The following RASAL2 variants were observed in gnomAD, a reference collection of about 807,000 sequenced individuals.
RASAL2 encodes the protein ras GTPase-activating protein nGAP.
RASAL2 carries 58 observed loss-of-function variants against 128.9 expected under a neutral mutation model. That is an observed-to-expected ratio of 0.45 (90% CI 0.36 to 0.56). RASAL2 has a LOEUF of 0.56. Ranked by LOEUF, RASAL2 falls within the 20% of genes least tolerant of loss-of-function variation. RASAL2 has a pLI of 0.00. For missense variants in RASAL2, 1,360 were observed against 1,601.6 expected, an observed-to-expected ratio of 0.85 and a Z score of 2.57; for synonymous variants, 561 against 580.8, an observed-to-expected ratio of 0.97 and a Z score of 0.49.
chr1:178,318,617 C>G (rs1668601919), intron 3 of RASAL2, among the ~76,000 whole-genome samples: 1 of 150,820 alleles, frequency 6.6e-6, no homozygotes, highest in South Asian at 2.1e-4. Context: ...GATTGCAACC[C>G]CTGTCTTTTT....
intron 1 of RASAL2, among the ~76,000 whole-genome samples, chr1:178,278,793 A>C (rs549394728): frequency 6.6e-6 from 1 of 152,290 alleles, no homozygotes; most frequent in East Asian, 1.9e-4. Flanking sequence ...CTTATCCTCT[A>C]AGAAAAAAGT....
At chr1:178,167,848 C>T (rs536092019) in intron 1 of RASAL2, among the ~76,000 whole-genome samples, 62 of 151,994 alleles carry the variant, frequency 4.1e-4, no homozygotes, top group Admixed American at 8.5e-4. Context: ...TATGTGGACC[C>T]GTGCGATTAA....
intron 1 of RASAL2, among the ~76,000 whole-genome samples, chr1:178,263,689 C>G (rs184373684): frequency 6.6e-6 from 1 of 152,068 alleles, no homozygotes; most frequent in East Asian, 1.9e-4. Context: ...CTTTGCCAAA[C>G]GTTTGTGGTT....
At chr1:178,421,918 A>T (rs1675167376) in intron 5 of RASAL2, among the ~76,000 whole-genome samples, 1 of 151,920 alleles carries the variant, frequency 6.6e-6, no homozygotes, top group Admixed American at 6.6e-5. Context: ...TTTTTAAAAT[A>T]TTTTTCTTAG....
chr1:178,162,380 T>C (rs1661344157), intron 1 of RASAL2, among the ~76,000 whole-genome samples: 1 of 115,244 alleles, frequency 8.7e-6, no homozygotes, highest in Admixed American at 1.2e-4. Context: ...AATATATATT[T>C]ATATATTATA....
chr1:178,164,481 T>TTGTG (rs35942778), intron 1 of RASAL2, among the ~76,000 whole-genome samples: 1,842 of 144,780 alleles, frequency 0.013, 12 homozygotes, highest in East Asian at 0.018. Context: ...TAATTAGCAT[T>TTGTG]TGTGTGTGTG....
chr1:178,096,660 T>C (rs1473977349), intron 1 of RASAL2, among the ~76,000 whole-genome samples: 1 of 152,004 alleles, frequency 6.6e-6, no homozygotes, highest in East Asian at 1.9e-4. Flanking sequence ...ATGGTATGTA[T>C]ATGTGTGTGA....
intron 1 of RASAL2, among the ~76,000 whole-genome samples, chr1:178,255,301 AG>A (rs1665280610): frequency 6.6e-6 from 1 of 152,158 alleles, no homozygotes; most frequent in Non-Finnish European, 1.5e-5. Flanking sequence ...TAATTTTAAA[AG>A]ATAGTATAAA....
chr1:178,262,199 G>A (rs1205004263), intron 1 of RASAL2, among the ~76,000 whole-genome samples: 1 of 152,148 alleles, frequency 6.6e-6, no homozygotes, highest in Non-Finnish European at 1.5e-5. Context: ...GAGAAAGTGG[G>A]CAGGCTCCTT....
chr1:178,102,714 A>G (rs1049834537), intron 1 of RASAL2, among the ~76,000 whole-genome samples: 6 of 152,330 alleles, frequency 3.9e-5, no homozygotes, highest in Middle Eastern at 3.4e-3. Flanking sequence ...ATTTTAAAAA[A>G]TAGGTAATAT....
intron 2 of RASAL2, among the ~76,000 whole-genome samples, chr1:178,289,762 T>C (rs1394281122): frequency 6.6e-6 from 1 of 152,106 alleles, no homozygotes; most frequent in Non-Finnish European, 1.5e-5. Flanking sequence ...TAATGACAAC[T>C]CCATCCTTCC....
chr1:178,114,062 G>GTTT (rs35864957), intron 1 of RASAL2, among the ~76,000 whole-genome samples: 5 of 150,254 alleles, frequency 3.3e-5, no homozygotes, highest in Non-Finnish European at 5.9e-5. Flanking sequence ...TATTTCTAGT[G>GTTT]TTTTTTTTTG....
intron 2 of RASAL2, among the ~76,000 whole-genome samples, chr1:178,285,132 G>C (rs1421862183): frequency 1.1e-4 from 1 of 9,348 alleles, no homozygotes; most frequent in South Asian, 4.0e-3. Context: ...TTTTTTTTTT[G>C]AGACGGAGTC....
intron 9 of RASAL2, among the ~76,000 whole-genome samples, chr1:178,446,444 G>C (rs891013246): frequency 5.9e-5 from 9 of 152,118 alleles, no homozygotes; most frequent in African/African-American, 2.2e-4. Flanking sequence ...AAAGGATGAA[G>C]AGAAACAGGT....
intron 1 of RASAL2, among the ~76,000 whole-genome samples, chr1:178,250,157 CT>C (rs1219102184): frequency 6.6e-6 from 1 of 152,216 alleles, no homozygotes. Context: ...ACGTTTATGT[CT>C]GCTGAAGCTG....
intron 5 of RASAL2, among the ~76,000 whole-genome samples, chr1:178,425,769 TAA>T (rs1675476649): frequency 6.6e-6 from 1 of 152,154 alleles, no homozygotes; most frequent in Non-Finnish European, 1.5e-5. Flanking sequence ...TATCTCCCTT[TAA>T]AGCAATCTCT....
chr1:178,166,645 T>A (rs1661523256), intron 1 of RASAL2, among the ~76,000 whole-genome samples: 1 of 152,138 alleles, frequency 6.6e-6, no homozygotes, highest in Non-Finnish European at 1.5e-5. Flanking sequence ...TTTTCTAAGC[T>A]GTGTGAATAC....
At chr1:178,290,875 A>G (rs1667253292) in intron 2 of RASAL2, among the ~76,000 whole-genome samples, 3 of 152,020 alleles carry the variant, frequency 2.0e-5, no homozygotes, top group African/African-American at 4.8e-5. Flanking sequence ...ACAGGGTTTC[A>G]TCGTGTTAGC....
intron 1 of RASAL2, among the ~76,000 whole-genome samples, chr1:178,138,374 C>T (rs1660405769): frequency 1.3e-5 from 2 of 152,150 alleles, no homozygotes; most frequent in African/African-American, 4.8e-5. Flanking sequence ...TTTTATACCA[C>T]ATATTAATAT....
Sources: gnomAD v4.1 joint callset for allele counts (sites outside exome capture counted in the v4.1 genomes callset) on GRCh38, gnomAD v4.1.1 for gene constraint, MANE v1.5 for transcripts, NCBI Gene and HGNC (gene_info 2026-07-23, HGNC 2026-07-21) for gene names.